PHF14: variants seen among roughly 807,000 people sequenced by gnomAD.
PHF14 encodes PHD finger protein 14.
In PHF14, 55 loss-of-function variants were observed where a neutral mutation model predicts 117.9. The ratio of observed to expected loss-of-function variants is 0.47; its 90% CI spans 0.38 to 0.58. The LOEUF is 0.58. Ranked by LOEUF, PHF14 falls within the 20% of genes least tolerant of loss-of-function variation. The probability of loss-of-function intolerance (pLI) is 0.00; values close to 1 mark genes in which losing one functional copy is unlikely to be tolerated. For missense variants in PHF14, 978 were observed against 1,122.2 expected (o/e 0.87, Z 1.84); for synonymous variants, 409 against 368.6 (o/e 1.11, Z -1.26).
chr7:11,134,048 A>C (rs1205162439), intron 17 of PHF14, among the ~76,000 whole-genome samples: 2 of 152,036 alleles, frequency 1.3e-5, no homozygotes, highest in East Asian at 3.9e-4. Context: ...ATCAAAGACT[A>C]TCCAGTGCCT....
intron 16 of PHF14, chr7:11,109,683 ACTTAG>A (rs1375092240): frequency 6.6e-6 from 1 of 151,892 alleles, no homozygotes; most frequent in East Asian, 1.9e-4. Flanking sequence ...TCACATTTGA[ACTTAG>A]CTTATATTAT....
chr7:11,125,372 C>G (rs10266525), intron 17 of PHF14, among the ~76,000 whole-genome samples: 1 of 152,048 alleles, frequency 6.6e-6, no homozygotes, highest in African/African-American at 2.4e-5. Context: ...TGTACACTGG[C>G]AGTTTTTGTA....
intron 4 of PHF14, among the ~76,000 whole-genome samples, chr7:10,996,868 T>A (rs1350843791): frequency 3.9e-5 from 6 of 152,218 alleles, no homozygotes; most frequent in Non-Finnish European, 8.8e-5. Flanking sequence ...CTCAGGAACA[T>A]ACAGGAGCAA....
In PHF14 at chr7:11,133,830, C is replaced by T. The variant is rs1788148983; in HGVS notation, c.2772+22363C>T. 2.0e-5 allele frequency among the ~76,000 whole-genome samples: 3 copies of T among 151,946 alleles called. No individual in the cohort carries two copies. In the South Asian group the frequency reaches 6.2e-4, roughly 31 times the overall value. On this transcript the variant is annotated intron_variant, in intron 17 of 17. Coordinates refer to ENST00000634607, the MANE Select transcript of PHF14 (RefSeq NM_001007157.2). The stretch of plus-strand genomic sequence containing the variant: ...CTGGATGCTTATCTACTAAACACAA[C>T]AATTGCAGTATGCAGTGATAGAAAA...
chr7:10,982,639 AAGAGAAGGAAAG>A lies in PHF14; in HGVS notation c.392_403del (p.Arg131_Glu134del). On this transcript the variant is annotated inframe_deletion, in exon 3 of 18. Coordinates refer to ENST00000634607, the MANE Select transcript of PHF14 (RefSeq NM_001007157.2). The stretch of plus-strand genomic sequence containing the variant: ...AAGGAAAAAGAAAAGGAAAAGGAGA[AAGAGAAGGAAAG>A]AGAGAAGGAAAAAGAAAAAGCAACA... 1.9e-6 allele frequency: 3 copies of A among 1,544,572 alleles called. No individual in the cohort carries two copies. The highest frequency in any genetic ancestry group is 1.4e-5 in the African/African-American group (1 of 72,922).
At chr7:11,101,360 C>T (rs574864002) in intron 16 of PHF14, among the ~76,000 whole-genome samples, 1 of 151,870 alleles carries the variant, frequency 6.6e-6, no homozygotes, top group Non-Finnish European at 1.5e-5. Context: ...GATTTGGTTG[C>T]TTCCTCTTGC....
chr7:11,106,009 A>C, intron 16 of PHF14: 1 of 984,910 alleles, frequency 1.0e-6, no homozygotes, highest in Non-Finnish European at 1.2e-6. Context: ...GAGCAGATGG[A>C]AATCAGTTTA....
chr7:11,097,948 T>C (rs528649938), intron 16 of PHF14, among the ~76,000 whole-genome samples: 9 of 152,164 alleles, frequency 5.9e-5, no homozygotes, highest in East Asian at 3.9e-4. Flanking sequence ...TGTGTGTAGA[T>C]AGGAGGGAGT....
chr7:11,063,476 C>A, intron 16 of PHF14: 2 of 981,826 alleles, frequency 2.0e-6, no homozygotes, highest in Non-Finnish European at 2.4e-6. Flanking sequence ...GGAAAATTCC[C>A]TTGGGGTTGA....
chr7:11,064,365 A>G (rs77256367), intron 16 of PHF14, among the ~76,000 whole-genome samples: 4,789 of 151,924 alleles, frequency 0.032, 106 homozygotes, highest in South Asian at 0.074. Flanking sequence ...TTTACATGCT[A>G]TTTTTTTAAC....
chr7:11,092,978 TTGTC>T (rs1433664723), intron 16 of PHF14, among the ~76,000 whole-genome samples: 1 of 151,916 alleles, frequency 6.6e-6, no homozygotes, highest in African/African-American at 2.4e-5. Flanking sequence ...AAATAGCACT[TTGTC>T]TGTTGTCTCC....
chr7:11,004,130 C>G (rs975118783), intron 4 of PHF14, among the ~76,000 whole-genome samples: 1 of 151,486 alleles, frequency 6.6e-6, no homozygotes, highest in South Asian at 2.1e-4. Context: ...CGCCTGTAGT[C>G]CCAACTACTT....
intron 17 of PHF14, among the ~76,000 whole-genome samples, chr7:11,153,578 G>A (rs1292652432): frequency 6.6e-6 from 1 of 152,036 alleles, no homozygotes; most frequent in Non-Finnish European, 1.5e-5. Flanking sequence ...GGCATTTGTG[G>A]CCATTTAGAG....
intron 4 of PHF14, among the ~76,000 whole-genome samples, chr7:11,005,170 A>G (rs893346952): frequency 1.2e-4 from 19 of 152,114 alleles, no homozygotes; most frequent in African/African-American, 4.6e-4. Flanking sequence ...TTAATATGCC[A>G]TTCTCTAGCA....
chr7:10,974,854 G>A lies in PHF14; in HGVS notation c.21G>A (p.Arg7=). The change falls in exon 2 of 18, where the codon AGG becomes AGA. Residue 7 remains arginine, a synonymous_variant. Transcript: ENST00000634607. ...TCACAGTGGATCGCAGCTCCAAGAG[G>A]AGGCAGGTGAAGCCTTTGGCAGCTT... MDRSSK[R]RQVKPLAASL... 1 of 1,580,948 alleles carries A rather than the reference G, an allele frequency of 6.3e-7. No homozygotes were observed. Among genetic ancestry groups the A allele is most frequent in the South Asian group, 1.2e-5 (1 of 86,388 alleles).
chr7:11,112,375 T>C (rs1237580476), intron 17 of PHF14, among the ~76,000 whole-genome samples: 2 of 152,228 alleles, frequency 1.3e-5, no homozygotes, highest in African/African-American at 2.4e-5. Flanking sequence ...TTGCTTCAGC[T>C]TACCACAGAG....
At chr7:11,080,804 T>C (rs1786069560) in intron 16 of PHF14, among the ~76,000 whole-genome samples, 1 of 152,138 alleles carries the variant, frequency 6.6e-6, no homozygotes, top group Non-Finnish European at 1.5e-5. Flanking sequence ...GCAAATGCAT[T>C]AGAGGGCCAT....
intron 17 of PHF14, among the ~76,000 whole-genome samples, chr7:11,149,810 A>ATT (rs61698202): frequency 1.2e-3 from 177 of 151,356 alleles, no homozygotes; most frequent in East Asian, 1.7e-3. Flanking sequence ...GTTTCAGTTG[A>ATT]TTTTTTTTTA....
intron 5 of PHF14, among the ~76,000 whole-genome samples, chr7:11,022,336 G>A: frequency 6.6e-6 from 1 of 152,234 alleles, no homozygotes; most frequent in South Asian, 2.1e-4. Flanking sequence ...TGGAAAGGAA[G>A]TTAAAACTGT....
Sources: allele counts gnomAD v4.1 joint callset (sites outside exome capture counted in the v4.1 genomes callset), GRCh38; gene constraint gnomAD v4.1.1; transcripts MANE v1.5; gene names NCBI Gene and HGNC (gene_info 2026-07-23, HGNC 2026-07-21).